Variants in PTPRH observed in about 807,000 individuals in gnomAD.
PTPRH encodes the protein receptor-type tyrosine-protein phosphatase H.
A neutral mutation model predicts 130.2 loss-of-function variants in PTPRH; 113 were observed. That is an observed-to-expected ratio of 0.87 (90% CI 0.75 to 1.01). The LOEUF (loss-of-function observed/expected upper bound fraction) is 1.01. PTPRH is among the 50% of genes least tolerant of loss of function. PTPRH has a pLI of 0.00. For missense variants in PTPRH, 1,430 were observed against 1,425.0 expected, an observed-to-expected ratio of 1.00 and a Z score of -0.06; for synonymous variants, 556 against 577.9, an observed-to-expected ratio of 0.96 and a Z score of 0.54.
chr19:55,204,715 C>G (rs1380958216), intron 4 of PTPRH, among the ~76,000 whole-genome samples: 5 of 152,148 alleles, frequency 3.3e-5, no homozygotes. Context: ...CGCTTTCCAA[C>G]TGAGCTTCTG....
At chr19:55,182,642 C>G (rs752273437) in intron 18 of PTPRH, among the ~76,000 whole-genome samples, 1 of 149,982 alleles carries the variant, frequency 6.7e-6, no homozygotes, top group East Asian at 1.9e-4. Context: ...GTCGGATGTA[C>G]TAGCTCCATT....
intron 2 of PTPRH, 104 bp downstream of exon 2, chr19:55,207,062 C>A (rs1255975274): frequency 1.3e-6 from 2 of 1,573,056 alleles, no homozygotes; most frequent in Non-Finnish European, 1.7e-6. Context: ...GCTCATAAAC[C>A]CCTACCATGG....
rs751913613 is a variant in PTPRH at position 55,196,570 on chromosome 19, C to T, written c.2209G>A (p.Gly737Arg). The change falls in exon 10 of 20, where the codon GGA (glycine) becomes AGA (arginine). Residue 737 changes from glycine (G) to arginine (R), a missense_variant. Gly to Arg is a moderately radical substitution (Grantham distance 125). Transcript: ENST00000376350. ...YPATITTIWDGMKVVSHSVVC... is the reference protein window; with the variant it reads ...YPATITTIWDRMKVVSHSVVC... ...ACAGAGTGAGACACGACCTTCATTC[C>T]GTCCCAGATGGTCGTGATGGTGGCT... The T allele has an allele frequency of 8.7e-6, 14 of 1,613,630 alleles. No homozygotes were observed. The highest frequency in any genetic ancestry group is 2.2e-5 in the East Asian group (1 of 44,864).
chr19:55,186,926 T>A (rs550824644), intron 14 of PTPRH, among the ~76,000 whole-genome samples: 1 of 151,724 alleles, frequency 6.6e-6, no homozygotes, highest in Admixed American at 6.6e-5. Flanking sequence ...GCGCCTGTAG[T>A]CCCAGCTACT....
rs967843054 is a variant in PTPRH, at chr19:55,204,142, C to A, written c.620-94G>T. The A allele has an allele frequency of 5.9e-6, 8 of 1,357,136 alleles. No homozygotes were observed. In the African/African-American group the frequency reaches 7.3e-5, roughly 12 times the overall value. 84.1% of individuals were successfully genotyped at this position (1,357,136 alleles called of 1,614,324 possible). On this transcript the variant is annotated intron_variant, in intron 4 of 19. Coordinates refer to ENST00000376350, the MANE Select transcript of PTPRH (RefSeq NM_002842.5). ...TTTTTGTTTGTTTGTTTTTTCGAGA[C>A]AGAGTCTCTGTCTGTCATCCAGGCT...
At chr19:55,188,248 C>G (rs1188157170) in intron 12 of PTPRH, 80 bp from the exon 13 acceptor site, 1 of 1,162,392 alleles carries the variant, frequency 8.6e-7, no homozygotes, top group Non-Finnish European at 1.3e-6. Flanking sequence ...CATGGTGGCT[C>G]ACGCCTGTAA....
chr19:55,198,993 T>G, intron 7 of PTPRH, 81 bp from the exon 8 acceptor site: 1 of 1,308,080 alleles, frequency 7.6e-7, no homozygotes, highest in Non-Finnish European at 9.9e-7. Context: ...CCTGTCCTTG[T>G]GCAGCCCAGC....
At chr19:55,192,952 G>T (rs1189298547) in intron 10 of PTPRH, among the ~76,000 whole-genome samples, 1 of 151,976 alleles carries the variant, frequency 6.6e-6, no homozygotes, top group African/African-American at 2.4e-5. Flanking sequence ...CTCCTGGCCA[G>T]GCATGGTGGC....
Position 55,206,814 on chromosome 19 carries a change from G to A in PTPRH, c.227C>T (p.Thr76Ile), listed in dbSNP as rs145987098. Residue 76 changes from threonine (T) to isoleucine (I), a missense_variant, in exon 3 of 20, where the codon ACT (threonine) becomes ATT (isoleucine). Coordinates refer to ENST00000376350, the MANE Select transcript of PTPRH (RefSeq NM_002842.5). ...QCTGDGGTTE[T>I]RNTTATNVTV... ...GACGTTGGTGGCTGTTGTGTTTCGAGTCTCTGTTGTGCCGCCGTCTCCAGT... is the reference window on the plus strand; with the variant it reads ...GACGTTGGTGGCTGTTGTGTTTCGAATCTCTGTTGTGCCGCCGTCTCCAGT... 4.6e-5 allele frequency: 74 copies of A among 1,614,174 alleles called. No individual in the cohort carries two copies. The African/African-American group carries it at 9.1e-4, about 20-fold the overall frequency.
chr19:55,199,865 T>G (rs1391263125), intron 7 of PTPRH, among the ~76,000 whole-genome samples: 1 of 122,668 alleles, frequency 8.2e-6, no homozygotes, highest in Non-Finnish European at 1.6e-5. Context: ...GAAGGAAGGC[T>G]TTAAAGGAAG....
At chr19:55,204,654 G>A (rs945102252) in intron 4 of PTPRH, among the ~76,000 whole-genome samples, 9 of 150,470 alleles carry the variant, frequency 6.0e-5, no homozygotes, top group African/African-American at 2.2e-4. Context: ...TCAGAGACCC[G>A]GATGCTGCCC....
rs2122272688 is a variant in PTPRH, at chr19:55,203,798, A to G, written c.870T>C (p.Ile290=). 3.1e-6 allele frequency: 5 copies of G among 1,604,878 alleles called. No individual in the cohort carries two copies. The East Asian group carries it at 1.1e-4, about 36-fold the overall frequency. ...GCCTCTTACCTGTGGCACTAGTGAC[A>G]ATCTCCACAGAGCTATTTACTCCGT... ...EKDGVNSSVE[I]VTSATAPNPV... is the part of the protein sequence containing the mutation. The change falls in exon 5 of 20, where the codon ATT becomes ATC. Residue 290 remains isoleucine (I), a synonymous_variant. Transcript: ENST00000376350.
chr19:55,197,172 C>G lies in PTPRH; in HGVS notation c.1935G>C (p.Val645=), dbSNP rs748353926. 1 of 1,614,264 alleles carries G rather than the reference C, an allele frequency of 6.2e-7. No homozygotes were observed. Among genetic ancestry groups the G allele is most frequent in the Non-Finnish European group, 8.5e-7 (1 of 1,180,056 alleles). The change falls in exon 9 of 20, where the codon GTG becomes GTC. Residue 645 remains valine (V), a synonymous_variant. Coordinates refer to ENST00000376350, the MANE Select transcript of PTPRH (RefSeq NM_002842.5). ...LEPGTLYNFT[V]WAERNDVASS... is the part of the protein sequence containing the mutation. Reference sequence around the variant, plus strand: ...TGGCTACGTCATTCCTCTCTGCCCACACGGTGAAATTGTACAACGTCCCGG... The same window carrying G: ...TGGCTACGTCATTCCTCTCTGCCCAGACGGTGAAATTGTACAACGTCCCGG...
intron 11 of PTPRH, 55 bp downstream of exon 11, chr19:55,191,608 C>G (rs754131649): frequency 1.2e-6 from 2 of 1,611,910 alleles, no homozygotes; most frequent in Admixed American, 1.7e-5. Flanking sequence ...AGCGGTCCTC[C>G]TCCTTCTTCT....
At chr19:55,202,409 T>G in intron 5 of PTPRH, 87 bp from the exon 6 acceptor site, 1 of 1,560,872 alleles carries the variant, frequency 6.4e-7, no homozygotes, top group Non-Finnish European at 8.7e-7. Context: ...ATCCAGCAGG[T>G]GGAGGCAGGG....
chr19:55,209,325 C>T lies in PTPRH; in HGVS notation c.51+58G>A. Reference sequence around the variant, plus strand: ...TCGAGGTGCAGGCACCCAGCTCCTTCTCCCTCAGACCTGGGAGTCCCTGCC... The same window carrying T: ...TCGAGGTGCAGGCACCCAGCTCCTTTTCCCTCAGACCTGGGAGTCCCTGCC... On this transcript the variant is annotated intron_variant, in intron 1 of 19. Coordinates refer to ENST00000376350, the MANE Select transcript of PTPRH (RefSeq NM_002842.5). This position sits in a 1 kb window ranked among gnomAD's most constrained non-coding sequence, Gnocchi z 4.1. The T allele has an allele frequency of 6.9e-7, 1 of 1,452,818 alleles. No individual in the cohort carries two copies. Among genetic ancestry groups the T allele is most frequent in the Non-Finnish European group, 9.5e-7 (1 of 1,056,472 alleles). 90.0% of individuals were successfully genotyped at this position (1,452,818 alleles called of 1,614,324 possible). A position where few individuals can be genotyped will look rare whatever the true frequency, so the allele number is the denominator to read the frequency against.
At chr19:55,195,487 G>T (rs2086656454) in intron 10 of PTPRH, among the ~76,000 whole-genome samples, 1 of 152,176 alleles carries the variant, frequency 6.6e-6, no homozygotes, top group Admixed American at 6.5e-5. Context: ...GGGTGACAGA[G>T]TGAGTCTCAA....
intron 15 of PTPRH, 24 bp from the exon 16 acceptor site, chr19:55,186,383 CA>C (rs761575656): frequency 4.3e-6 from 7 of 1,609,244 alleles, no homozygotes; most frequent in East Asian, 2.2e-5. Context: ...GCAGGCGGGT[CA>C]GGGGGGCCTT....
intron 14 of PTPRH, among the ~76,000 whole-genome samples, chr19:55,187,120 C>A (rs1434435188): frequency 6.7e-6 from 1 of 150,192 alleles, no homozygotes; most frequent in South Asian, 2.1e-4. Flanking sequence ...CCGAGGCGGG[C>A]AGATCACAAG....
Sources: gnomAD v4.1 joint callset for allele counts (sites outside exome capture counted in the v4.1 genomes callset) on GRCh38, gnomAD v4.1.1 for gene constraint, Gnocchi (gnomAD v3.1) non-coding constraint, MANE v1.5 for transcripts, NCBI Gene and HGNC (gene_info 2026-07-23, HGNC 2026-07-21) for gene names.